The following ST8SIA6 variants were observed in gnomAD, a reference collection of about 807,000 sequenced individuals.
ST8SIA6 encodes the protein ST8 alpha-N-acetyl-neuraminide alpha-2,8-sialyltransferase 6, also known as alpha-2,8-sialyltransferase 8F.
Under a neutral mutation model 33.6 loss-of-function variants are expected in ST8SIA6, and 39 were observed. The ratio of observed to expected loss-of-function variants is 1.16; its 90% confidence interval spans 0.90 to 1.52. ST8SIA6 has a LOEUF of 1.52. Ranked by LOEUF, ST8SIA6 falls within the 40% of genes most tolerant of loss-of-function variation. The pLI is 0.00. For missense variants in ST8SIA6, 441 were observed against 443.8 expected, an observed-to-expected ratio of 0.99 and a Z score of 0.06; for synonymous variants, 172 against 167.2, an observed-to-expected ratio of 1.03 and a Z score of -0.22.
In ST8SIA6 at chr10:17,319,800, T is replaced by C. The variant is rs189819064; in HGVS notation, c.*1078A>G. ...TTGTTACTTTTACTAATCAATTACATATTTCTAATATCATCAATGGTTTCA... is the reference window on the plus strand; with the variant it reads ...TTGTTACTTTTACTAATCAATTACACATTTCTAATATCATCAATGGTTTCA... On this transcript the variant is annotated 3_prime_UTR_variant, in exon 8 of 8. Coordinates refer to ENST00000377602, the MANE Select transcript of ST8SIA6 (RefSeq NM_001004470.3). 1 of 152,344 alleles carries C rather than the reference T, an allele frequency of 6.6e-6. No homozygotes were observed. Among genetic ancestry groups the C allele is most frequent in the Non-Finnish European group, 1.5e-5 (1 of 68,026 alleles). 9.4% of individuals were successfully genotyped at this position (152,344 alleles called of 1,614,324 possible).
Position 17,320,558 on chromosome 10 carries a change from G to T in ST8SIA6, c.*320C>A. On this transcript the variant is annotated 3_prime_UTR_variant, in exon 8 of 8. Transcript: ENST00000377602. Reference sequence around the variant, plus strand: ...ATGCTTTTATTATCGGTCTGGTGAAGGTGGAGATGGCTGGTATAAATAGTA... The same window carrying T: ...ATGCTTTTATTATCGGTCTGGTGAATGTGGAGATGGCTGGTATAAATAGTA... The T allele has an allele frequency of 3.4e-6, 1 of 293,174 alleles. No individual in the cohort carries two copies. The highest frequency in any genetic ancestry group is 6.4e-6 in the Non-Finnish European group (1 of 156,636). 18.2% of individuals were successfully genotyped at this position (293,174 alleles called of 1,614,324 possible).
intron 2 of ST8SIA6, among the ~76,000 whole-genome samples, chr10:17,405,884 CAAAAAAAA>C (rs10546412): frequency 4.7e-5 from 4 of 85,360 alleles, no homozygotes; most frequent in African/African-American, 1.4e-4. Flanking sequence ...GACTCCATTT[CAAAAAAAA>C]AAAAAAAAAA....
Position 17,318,596 on chromosome 10 carries a change from G to C in ST8SIA6, c.*2282C>G. On this transcript the variant is annotated 3_prime_UTR_variant, in exon 8 of 8. Coordinates refer to ENST00000377602, the MANE Select transcript of ST8SIA6 (RefSeq NM_001004470.3). ...TAGATGTACTTGAGTTTTAAGAGCA[G>C]AAGATCACATTAGATCTAACAATAT... 2.2e-6 allele frequency: 1 copy of C among 448,380 alleles called. No homozygotes were observed. The highest frequency in any genetic ancestry group is 4.6e-6 in the Non-Finnish European group (1 of 218,720). The allele number at this position is 448,380 out of a possible 1,614,324, so 27.8% of individuals were successfully genotyped here.
chr10:17,395,075 G>A (rs749594851), intron 2 of ST8SIA6, among the ~76,000 whole-genome samples: 7 of 152,028 alleles, frequency 4.6e-5, no homozygotes, highest in Non-Finnish European at 1.0e-4. Flanking sequence ...ATTGAATCAC[G>A]GGGGGCAGTT....
intron 4 of ST8SIA6, among the ~76,000 whole-genome samples, chr10:17,339,994 T>C (rs1248179067): frequency 6.6e-6 from 1 of 152,226 alleles, no homozygotes; most frequent in Non-Finnish European, 1.5e-5. Context: ...TTTAGAAAGA[T>C]GACTTGTAAG....
chr10:17,372,354 A>G (rs1012504712), intron 3 of ST8SIA6, among the ~76,000 whole-genome samples: 3 of 152,172 alleles, frequency 2.0e-5, no homozygotes, highest in African/African-American at 7.2e-5. Flanking sequence ...TCAAAATCCA[A>G]TGCTTTCCGT....
intron 3 of ST8SIA6, among the ~76,000 whole-genome samples, chr10:17,386,451 A>G (rs1193851438): frequency 1.3e-5 from 2 of 152,186 alleles, no homozygotes; most frequent in Admixed American, 1.3e-4. Context: ...AGGCAGGAGA[A>G]TCACTTGAAC....
chr10:17,360,505 T>C (rs1460131918), intron 3 of ST8SIA6, among the ~76,000 whole-genome samples: 2 of 151,782 alleles, frequency 1.3e-5, no homozygotes, highest in African/African-American at 4.8e-5. Flanking sequence ...AAGAAAATTG[T>C]TTAAAGTGAC....
chr10:17,453,102 C>T (rs1852974172), intron 2 of ST8SIA6, among the ~76,000 whole-genome samples: 1 of 151,996 alleles, frequency 6.6e-6, no homozygotes, highest in African/African-American at 2.4e-5. Flanking sequence ...AAATTTAAGC[C>T]TCCAGTCACT....
chr10:17,438,152 T>C (rs74117654), intron 2 of ST8SIA6, among the ~76,000 whole-genome samples: 15,407 of 152,178 alleles, frequency 0.1, 1,833 homozygotes, highest in African/African-American at 0.29. Flanking sequence ...GAGAGGTCTT[T>C]CCCTGTCCTG....
chr10:17,391,686 G>A (rs1850619545), intron 2 of ST8SIA6, among the ~76,000 whole-genome samples: 1 of 152,102 alleles, frequency 6.6e-6, no homozygotes, highest in Non-Finnish European at 1.5e-5. Context: ...ATACTGGCCT[G>A]GTGCTATTTG....
intron 2 of ST8SIA6, among the ~76,000 whole-genome samples, chr10:17,402,850 A>G (rs572811038): frequency 7.7e-4 from 118 of 152,314 alleles, no homozygotes; most frequent in Non-Finnish European, 1.5e-3. Context: ...GGTGCAGCAC[A>G]CCAACATGGC....
chr10:17,374,587 G>A (rs1342379457), intron 3 of ST8SIA6, among the ~76,000 whole-genome samples: 1 of 151,700 alleles, frequency 6.6e-6, no homozygotes, highest in Non-Finnish European at 1.5e-5. Context: ...GCCAGGCATG[G>A]TGGCGGGCAC....
Position 17,319,014 on chromosome 10 carries a change from T to C in ST8SIA6, c.*1864A>G, listed in dbSNP as rs1847857541. On this transcript the variant is annotated 3_prime_UTR_variant, in exon 8 of 8. Coordinates refer to ENST00000377602, the MANE Select transcript of ST8SIA6 (RefSeq NM_001004470.3). The stretch of plus-strand genomic sequence containing the variant: ...CTTTAGTTCTCTGCAACACACTGAC[T>C]ATGCTAGAAAGAGAGTAGGAGAGCT... Among the ~76,000 whole-genome samples, 1 of 152,124 alleles carries C rather than the reference T, an allele frequency of 6.6e-6. No homozygotes were observed. The highest frequency in any genetic ancestry group is 2.1e-4 in the South Asian group (1 of 4,826).
At chr10:17,453,939 G>T (rs538248682) in intron 1 of ST8SIA6, among the ~76,000 whole-genome samples, 3 of 152,050 alleles carry the variant, frequency 2.0e-5, no homozygotes, top group African/African-American at 7.2e-5. Flanking sequence ...AGCCCTGACC[G>T]GTCCCTCTGC....
chr10:17,427,680 A>G (rs1236606438), intron 2 of ST8SIA6, among the ~76,000 whole-genome samples: 2 of 152,264 alleles, frequency 1.3e-5, no homozygotes, highest in Admixed American at 6.5e-5. Context: ...GAATTCAGCC[A>G]AAGTCCTGAT....
At chr10:17,434,478 G>A (rs532615774) in intron 2 of ST8SIA6, among the ~76,000 whole-genome samples, 1 of 152,280 alleles carries the variant, frequency 6.6e-6, no homozygotes, top group South Asian at 2.1e-4. Context: ...CCTTTTGACT[G>A]TGTGCTAAGA....
intron 2 of ST8SIA6, among the ~76,000 whole-genome samples, chr10:17,391,529 TG>T (rs1850614047): frequency 6.6e-6 from 1 of 152,226 alleles, no homozygotes; most frequent in African/African-American, 2.4e-5. Flanking sequence ...CCCAAAGTGC[TG>T]GGATTACAGG....
At chr10:17,341,324 A>T (rs760369814) in intron 4 of ST8SIA6, among the ~76,000 whole-genome samples, 4 of 152,186 alleles carry the variant, frequency 2.6e-5, no homozygotes, top group Non-Finnish European at 5.9e-5. Flanking sequence ...ATTGAAATCC[A>T]TGGTAGGTGA....
Sources: allele counts gnomAD v4.1 joint callset (sites outside exome capture counted in the v4.1 genomes callset), GRCh38; gene constraint gnomAD v4.1.1; transcripts MANE v1.5; gene names NCBI Gene and HGNC (gene_info 2026-07-23, HGNC 2026-07-21).